Variants in DACH2 observed in about 807,000 individuals in gnomAD.
The protein encoded by DACH2 is dachshund family transcription factor 2, also known as dachshund homolog 2.
DACH2 carries 17 observed loss-of-function variants against 35.8 expected under a neutral mutation model. That is an observed-to-expected ratio of 0.48 (90% confidence interval 0.33 to 0.71). The LOEUF is 0.71. DACH2 is among the 30% of genes least tolerant of loss of function. DACH2 has a pLI of 0.02. For missense variants in DACH2, 469 were observed against 472.7 expected, an observed-to-expected ratio of 0.99 and a Z score of 0.07; for synonymous variants, 195 against 177.3, an observed-to-expected ratio of 1.10 and a Z score of -0.79.
intron 3 of DACH2, among the ~76,000 whole-genome samples, chrX:86,649,122 A>G (rs774524029): frequency 9.0e-6 from 1 of 110,928 alleles, no homozygotes; most frequent in African/African-American, 3.3e-5. Context: ...TAGCTTCTAA[A>G]TCTTTTGTAC....
chrX:86,772,970 C>T (rs1283408254), intron 7 of DACH2, among the ~76,000 whole-genome samples: 1 of 111,478 alleles, frequency 9.0e-6, no homozygotes, highest in Non-Finnish European at 1.9e-5. Context: ...CAGGTGCTTC[C>T]GTGGAAGTAC....
chrX:86,503,936 T>C (rs1196510849), intron 2 of DACH2, among the ~76,000 whole-genome samples: 1 of 111,604 alleles, frequency 9.0e-6, no homozygotes, highest in Non-Finnish European at 1.9e-5. Flanking sequence ...GTGATACTGC[T>C]GTTGACTAGG....
intron 1 of DACH2, among the ~76,000 whole-genome samples, chrX:86,318,678 T>C (rs762515614): frequency 4.9e-4 from 55 of 111,381 alleles, no homozygotes; most frequent in African/African-American, 1.8e-3. Flanking sequence ...GGCAATTCCA[T>C]GTACCTAAAC....
At chrX:86,291,447 A>G (rs1365411980) in intron 1 of DACH2, among the ~76,000 whole-genome samples, 1 of 101,607 alleles carries the variant, frequency 9.8e-6, no homozygotes, top group Non-Finnish European at 2.0e-5. Context: ...CCTGGCCAGA[A>G]CTTCCAACAC....
At chrX:86,788,968 G>A (rs780747833) in intron 7 of DACH2, among the ~76,000 whole-genome samples, 11 of 111,108 alleles carry the variant, frequency 9.9e-5, no homozygotes, top group Non-Finnish European at 1.7e-4. Context: ...TTACTTATAC[G>A]GTTAGCTTTC....
intron 1 of DACH2, among the ~76,000 whole-genome samples, chrX:86,288,673 T>C (rs2034205063): frequency 1.8e-5 from 2 of 111,892 alleles, no homozygotes; most frequent in Admixed American, 9.4e-5. Flanking sequence ...ACCACTACCA[T>C]AGGCCCACAG....
At chrX:86,366,106 A>C (rs2035802801) in intron 1 of DACH2, among the ~76,000 whole-genome samples, 1 of 111,269 alleles carries the variant, frequency 9.0e-6, no homozygotes, top group Admixed American at 9.6e-5. Context: ...GCTTTTGTGT[A>C]CATTGTCTTT....
chrX:86,183,673 G>A (rs747733901), intron 1 of DACH2, among the ~76,000 whole-genome samples: 105 of 111,665 alleles, frequency 9.4e-4, no homozygotes, highest in African/African-American at 3.4e-3. Context: ...TTGGTATCAG[G>A]ATGATGCTGG....
At chrX:86,391,739 A>C (rs1200740720) in intron 2 of DACH2, among the ~76,000 whole-genome samples, 2 of 111,403 alleles carry the variant, frequency 1.8e-5, no homozygotes, top group Non-Finnish European at 3.8e-5. Flanking sequence ...TAAAATCCTT[A>C]ATTTAGGAGC....
At chrX:86,682,869 T>G (rs747257420) in intron 4 of DACH2, among the ~76,000 whole-genome samples, 1 of 111,601 alleles carries the variant, frequency 9.0e-6, no homozygotes, top group African/African-American at 3.3e-5. Context: ...TCCTTATCCT[T>G]TTTTTCCATA....
At chrX:86,425,518 T>C (rs1211708426) in intron 2 of DACH2, among the ~76,000 whole-genome samples, 1 of 111,344 alleles carries the variant, frequency 9.0e-6, no homozygotes, top group African/African-American at 3.3e-5. Context: ...GTGGTATCAT[T>C]TGTTATGTCT....
intron 1 of DACH2, among the ~76,000 whole-genome samples, chrX:86,288,978 G>A (rs1431542703): frequency 9.0e-6 from 1 of 110,837 alleles, no homozygotes; most frequent in Non-Finnish European, 1.9e-5. Flanking sequence ...AGCCACCATA[G>A]CTGGGAGTGT....
Position 86,404,373 on chromosome X carries a change from C to T in DACH2, c.527+27511C>T, listed in dbSNP as rs768196949. On this transcript the variant is annotated intron_variant, in intron 2 of 11. Coordinates refer to ENST00000373125, the MANE Select transcript of DACH2 (RefSeq NM_053281.3). Reference sequence around the variant, plus strand: ...TTCCTAGATACAATGAGGGTACAGGCATTGGGTAAATAAACCCATTCCAAA... The same window carrying T: ...TTCCTAGATACAATGAGGGTACAGGTATTGGGTAAATAAACCCATTCCAAA... Among the ~76,000 whole-genome samples the T allele has an allele frequency of 4.5e-5, 5 of 112,049 alleles. No homozygotes were observed. In the South Asian group the frequency reaches 1.9e-3, roughly 42 times the overall value.
intron 6 of DACH2, among the ~76,000 whole-genome samples, chrX:86,733,206 A>G (rs1160679748): frequency 7.1e-5 from 8 of 112,015 alleles, no homozygotes; most frequent in Non-Finnish European, 1.3e-4. Context: ...ATGAGTGAGT[A>G]AAAGCTAAAG....
At chrX:86,323,738 C>T (rs144273367) in intron 1 of DACH2, among the ~76,000 whole-genome samples, 76 of 111,041 alleles carry the variant, frequency 6.8e-4, no homozygotes, top group East Asian at 5.8e-3. Flanking sequence ...CCCTGCACAA[C>T]GGCAAAGTTC....
chrX:86,356,219 G>C (rs751719427), intron 1 of DACH2, among the ~76,000 whole-genome samples: 4 of 111,466 alleles, frequency 3.6e-5, no homozygotes, highest in Non-Finnish European at 7.5e-5. Flanking sequence ...TATGGTGAAA[G>C]AAAGGGGTCC....
intron 2 of DACH2, among the ~76,000 whole-genome samples, chrX:86,443,228 A>G (rs770441951): frequency 1.1e-4 from 12 of 111,832 alleles, no homozygotes; most frequent in Non-Finnish European, 2.1e-4. Flanking sequence ...GCCTTCTTCA[A>G]TATCTTTCAT....
chrX:86,551,603 A>G (rs1300379997), intron 3 of DACH2, among the ~76,000 whole-genome samples: 2 of 112,062 alleles, frequency 1.8e-5, no homozygotes, highest in Non-Finnish European at 3.8e-5. Context: ...TTTCCTTGTT[A>G]CGAGTTACAT....
At chrX:86,727,065 A>T (rs1348697419) in intron 6 of DACH2, among the ~76,000 whole-genome samples, 1 of 112,503 alleles carries the variant, frequency 8.9e-6, no homozygotes, top group Non-Finnish European at 1.9e-5. Context: ...AAAATATCTT[A>T]GTTGAAGTCA....
Sources: gnomAD v4.1 joint callset for allele counts (sites outside exome capture counted in the v4.1 genomes callset) on GRCh38, gnomAD v4.1.1 for gene constraint, MANE v1.5 for transcripts, NCBI Gene and HGNC (gene_info 2026-07-23, HGNC 2026-07-21) for gene names.